HS6ST3: variants seen among roughly 807,000 people sequenced by gnomAD.
The protein encoded by HS6ST3 is heparan sulfate 6-O-sulfotransferase 3.
A neutral mutation model predicts 36.7 loss-of-function variants in HS6ST3; 12 were observed. The ratio of observed to expected loss-of-function variants is 0.33; its 90% confidence interval spans 0.21 to 0.53. The LOEUF (loss-of-function observed/expected upper bound fraction) is 0.53. Among genes scored for constraint, HS6ST3 ranks in the 20% least tolerant of loss-of-function variants. The pLI is 0.95. For synonymous variants in HS6ST3, 240 were observed against 257.5 expected (o/e 0.93, Z 0.65); for missense variants, 584 against 640.9 (o/e 0.91, Z 0.96).
intron 1 of HS6ST3, among the ~76,000 whole-genome samples, chr13:96,333,231 T>C (rs538079979): frequency 1.2e-4 from 18 of 152,326 alleles, no homozygotes; most frequent in Middle Eastern, 3.4e-3. Context: ...TAGGCTAATA[T>C]TGAGAACCAT....
rs1566322243 is a variant in HS6ST3 at position 96,317,384 on chromosome 13, AT to A, written c.707+225816del. On this transcript the variant is annotated intron_variant, in intron 1 of 1. Transcript: ENST00000376705. Reference sequence around the variant, plus strand: ...TATATATATAAAATTATATATATATATATATATATATCATGGAATATATATA... The same window carrying A: ...TATATATATAAAATTATATATATATAATATATATATCATGGAATATATATA... 1.3e-3 allele frequency among the ~76,000 whole-genome samples: 151 copies of A among 115,724 alleles called. 2 individuals are homozygous for A. The highest frequency in any genetic ancestry group is 2.8e-3 in the African/African-American group (82 of 29,444). The allele number at this position is 115,724 out of a possible 152,430, so 75.9% of individuals were successfully genotyped here.
At chr13:96,531,945 G>A (rs1240405724) in intron 1 of HS6ST3, among the ~76,000 whole-genome samples, 3 of 152,166 alleles carry the variant, frequency 2.0e-5, no homozygotes, top group East Asian at 3.9e-4. Context: ...ACCTCGATTT[G>A]AGGCCCATCT....
At chr13:96,785,115 A>G (rs1012286) in intron 1 of HS6ST3, among the ~76,000 whole-genome samples, 72,743 of 151,826 alleles carry the variant, frequency 0.48, 19,367 homozygotes, top group African/African-American at 0.73. Flanking sequence ...GTTGTAGTGA[A>G]CTGAGATCAC....
chr13:96,090,794 C>T lies in HS6ST3; in HGVS notation c.-69C>T. 1 of 1,329,004 alleles carries T rather than the reference C, an allele frequency of 7.5e-7. No individual in the cohort carries two copies. Among genetic ancestry groups the T allele is most frequent in the Non-Finnish European group, 9.8e-7 (1 of 1,024,482 alleles). The allele number at this position is 1,329,004 out of a possible 1,614,324, so 82.3% of individuals were successfully genotyped here. The stretch of plus-strand genomic sequence containing the variant: ...CGCGCCCCGGAGTCCGCGAAACTTC[C>T]GAGCGGGCGCCCGTCCGCCCTGCCG... On this transcript the variant is annotated 5_prime_UTR_variant, in exon 1 of 2. Transcript: ENST00000376705.
chr13:96,737,439 C>A (rs1446045425), intron 1 of HS6ST3, among the ~76,000 whole-genome samples: 3 of 150,982 alleles, frequency 2.0e-5, no homozygotes, highest in African/African-American at 7.3e-5. Flanking sequence ...TCCTGGCTAA[C>A]AAGGTGAAAC....
chr13:96,786,657 A>G (rs1031338186), intron 1 of HS6ST3, among the ~76,000 whole-genome samples: 10 of 152,186 alleles, frequency 6.6e-5, no homozygotes, highest in Non-Finnish European at 1.3e-4. Context: ...TAAAAGTTAC[A>G]TACTTGCATG....
chr13:96,649,904 C>T (rs2056601801), intron 1 of HS6ST3, among the ~76,000 whole-genome samples: 1 of 152,028 alleles, frequency 6.6e-6, no homozygotes, highest in South Asian at 2.1e-4. Flanking sequence ...TATTTCCTGT[C>T]ATACTCCCTC....
intron 1 of HS6ST3, among the ~76,000 whole-genome samples, chr13:96,453,010 C>T (rs1457133525): frequency 6.6e-6 from 1 of 151,768 alleles, no homozygotes; most frequent in Non-Finnish European, 1.5e-5. Flanking sequence ...TGGGGTTGCC[C>T]CTCTACCTCC....
chr13:96,696,249 AG>A (rs1197585894), intron 1 of HS6ST3, among the ~76,000 whole-genome samples: 4 of 152,148 alleles, frequency 2.6e-5, no homozygotes, highest in African/African-American at 9.7e-5. Flanking sequence ...TTCTTTCTCA[AG>A]GGTGTCTTGG....
chr13:96,780,248 G>A (rs1439367095), intron 1 of HS6ST3, among the ~76,000 whole-genome samples: 1 of 152,344 alleles, frequency 6.6e-6, no homozygotes, highest in East Asian at 1.9e-4. Flanking sequence ...GAAAGCAGTA[G>A]TAAGCACTTT....
chr13:96,412,838 A>G (rs1368936796), intron 1 of HS6ST3, among the ~76,000 whole-genome samples: 1 of 150,000 alleles, frequency 6.7e-6, no homozygotes, highest in Non-Finnish European at 1.5e-5. Context: ...CATATACAGT[A>G]TATTATATAT....
chr13:96,728,241 G>A (rs1370835466), intron 1 of HS6ST3, among the ~76,000 whole-genome samples: 1 of 151,948 alleles, frequency 6.6e-6, no homozygotes, highest in African/African-American at 2.4e-5. Flanking sequence ...GAGGTAAGTG[G>A]GATTAGTTCC....
At chr13:96,530,279 G>A (rs2056130536) in intron 1 of HS6ST3, among the ~76,000 whole-genome samples, 1 of 152,054 alleles carries the variant, frequency 6.6e-6, no homozygotes, top group African/African-American at 2.4e-5. Context: ...AGATTCCTAG[G>A]GATTAATGGA....
chr13:96,173,959 C>A (rs17675800), intron 1 of HS6ST3, among the ~76,000 whole-genome samples: 12,502 of 151,944 alleles, frequency 0.082, 758 homozygotes, highest in Non-Finnish European at 0.12. Context: ...TGTAGGTAAA[C>A]CATACTTGTC....
intron 1 of HS6ST3, among the ~76,000 whole-genome samples, chr13:96,403,917 C>A (rs2055463968): frequency 6.6e-6 from 1 of 152,102 alleles, no homozygotes; most frequent in African/African-American, 2.4e-5. Context: ...TTGACAGGTG[C>A]TTAAATGGGC....
intron 1 of HS6ST3, among the ~76,000 whole-genome samples, chr13:96,206,675 C>T (rs956921157): frequency 6.6e-6 from 1 of 152,154 alleles, no homozygotes; most frequent in Non-Finnish European, 1.5e-5. Flanking sequence ...ACCATCTGAT[C>T]TTCAGCAAAT....
chr13:96,700,370 A>G (rs1875252663), intron 1 of HS6ST3, among the ~76,000 whole-genome samples: 1 of 151,926 alleles, frequency 6.6e-6, no homozygotes, highest in Admixed American at 6.6e-5. Context: ...TGATCCAATT[A>G]TCTCCCACCA....
intron 1 of HS6ST3, among the ~76,000 whole-genome samples, chr13:96,746,633 T>C (rs1876567982): frequency 6.6e-6 from 1 of 152,138 alleles, no homozygotes; most frequent in Non-Finnish European, 1.5e-5. Context: ...AGCATAATTA[T>C]AAATGTTTGA....
At position 96,317,361 on chromosome 13, in the gene HS6ST3, TATATATAAAATTATA is replaced by T. The variant is rs1258711280; in HGVS notation, c.707+225793_707+225807del. 2.7e-3 allele frequency among the ~76,000 whole-genome samples: 80 copies of T among 29,478 alleles called. 3 individuals carry two copies. The highest frequency in any genetic ancestry group is 0.011 in the Admixed American group (25 of 2,330). The allele number at this position is 29,478 out of a possible 152,430, so 19.3% of individuals were successfully genotyped here. A position where few individuals can be genotyped will look rare whatever the true frequency, so the allele number is the denominator to read the frequency against. On this transcript the variant is annotated intron_variant, in intron 1 of 1. Coordinates refer to ENST00000376705, the MANE Select transcript of HS6ST3 (RefSeq NM_153456.4). ...ATATATATATATATATATATATATA[TATATATAAAATTATA>T]TATATATATATATATATATCATGGA...
Sources: allele counts gnomAD v4.1 joint callset (sites outside exome capture counted in the v4.1 genomes callset), GRCh38; gene constraint gnomAD v4.1.1; transcripts MANE v1.5; gene names NCBI Gene and HGNC (gene_info 2026-07-23, HGNC 2026-07-21).